The following CADM2 variants were observed in gnomAD, a reference collection of about 807,000 sequenced individuals.
The protein encoded by CADM2 is cell adhesion molecule 2, also known as immunoglobulin superfamily member 4D.
In CADM2, 12 loss-of-function variants were observed where a neutral mutation model predicts 49.8. The observed-to-expected ratio is 0.24, with a 90% CI of 0.15 to 0.39. The LOEUF is 0.39. CADM2 is among the 10% of genes least tolerant of loss of function. The pLI, the probability that CADM2 is intolerant of heterozygous loss-of-function variation, is 1.00. For missense variants in CADM2, 378 were observed against 492.3 expected (o/e 0.77, Z 2.20); for synonymous variants, 214 against 175.4 (o/e 1.22, Z -1.74).
chr3:85,307,910 T>C (rs1015354751), intron 1 of CADM2, among the ~76,000 whole-genome samples: 2 of 150,632 alleles, frequency 1.3e-5, no homozygotes, highest in African/African-American at 4.9e-5. Context: ...TAGGTACACA[T>C]TTTTTCCAAA....
At chr3:85,734,850 A>G (rs561483346) in intron 2 of CADM2, among the ~76,000 whole-genome samples, 1 of 151,056 alleles carries the variant, frequency 6.6e-6, no homozygotes, top group East Asian at 1.9e-4. Context: ...TCCAAGTTTT[A>G]AAAACTCTTA....
chr3:86,051,731 T>G (rs547789971), intron 8 of CADM2, among the ~76,000 whole-genome samples: 29 of 152,114 alleles, frequency 1.9e-4, no homozygotes, highest in African/African-American at 6.7e-4. Context: ...ACATGGCAGG[T>G]GCAGGAGGAA....
intron 1 of CADM2, among the ~76,000 whole-genome samples, chr3:85,196,544 A>C (rs2041347320): frequency 6.6e-6 from 1 of 151,996 alleles, no homozygotes; most frequent in Admixed American, 6.6e-5. Flanking sequence ...TGGAAAAGTT[A>C]TAAAGAGGTT....
At chr3:85,143,759 G>C (rs1378491972) in intron 1 of CADM2, among the ~76,000 whole-genome samples, 1 of 151,804 alleles carries the variant, frequency 6.6e-6, no homozygotes. Flanking sequence ...TTCATCACTG[G>C]CCCCCCTATT....
chr3:85,920,136 A>C (rs965517917), intron 6 of CADM2, among the ~76,000 whole-genome samples: 4 of 151,862 alleles, frequency 2.6e-5, no homozygotes, highest in Non-Finnish European at 5.9e-5. Flanking sequence ...ATTATATATT[A>C]AGTGTTTCAG....
chr3:85,403,103 T>C (rs72905492), intron 1 of CADM2, among the ~76,000 whole-genome samples: 5,786 of 152,190 alleles, frequency 0.038, 367 homozygotes, highest in African/African-American at 0.13. Context: ...TTTTTGGAAG[T>C]ATTAAGGTTT....
chr3:85,823,994 C>T (rs1205981686), intron 3 of CADM2, among the ~76,000 whole-genome samples: 2 of 152,064 alleles, frequency 1.3e-5, no homozygotes, highest in East Asian at 3.9e-4. Context: ...GAGATTGCTT[C>T]AAAAGGTGAC....
chr3:85,469,932 G>C (rs2038691771), intron 1 of CADM2, among the ~76,000 whole-genome samples: 1 of 152,132 alleles, frequency 6.6e-6, no homozygotes, highest in Non-Finnish European at 1.5e-5. Flanking sequence ...TCCTGGGAGT[G>C]ATGGAGCATG....
chr3:85,626,718 T>C (rs2064141619), intron 1 of CADM2, among the ~76,000 whole-genome samples: 1 of 152,090 alleles, frequency 6.6e-6, no homozygotes. Flanking sequence ...TGAATATTCT[T>C]ATTTTTTCCA....
At chr3:85,625,614 A>G (rs2064103704) in intron 1 of CADM2, among the ~76,000 whole-genome samples, 1 of 152,054 alleles carries the variant, frequency 6.6e-6, no homozygotes, top group South Asian at 2.1e-4. Flanking sequence ...CTGAAAATAT[A>G]TTACTATACA....
chr3:85,632,777 G>A (rs1457350946), intron 1 of CADM2, among the ~76,000 whole-genome samples: 2 of 151,842 alleles, frequency 1.3e-5, no homozygotes, highest in Non-Finnish European at 2.9e-5. Context: ...AGTCCCAGTA[G>A]AAACAAAACT....
At chr3:85,843,343 T>C (rs181066063) in intron 3 of CADM2, among the ~76,000 whole-genome samples, 32 of 152,224 alleles carry the variant, frequency 2.1e-4, no homozygotes, top group African/African-American at 7.5e-4. Flanking sequence ...TCTTTGTCTT[T>C]AAGAATACGG....
chr3:85,316,174 A>G (rs978385764), intron 1 of CADM2, among the ~76,000 whole-genome samples: 6 of 152,192 alleles, frequency 3.9e-5, no homozygotes, highest in African/African-American at 1.4e-4. Context: ...AGTCAGTTTC[A>G]CCATCTGTAA....
chr3:85,529,001 A>G (rs2061236022), intron 1 of CADM2, among the ~76,000 whole-genome samples: 1 of 152,188 alleles, frequency 6.6e-6, no homozygotes, highest in African/African-American at 2.4e-5. Flanking sequence ...CTTTACATGT[A>G]TCACTTTATT....
At chr3:85,005,263 A>G (rs1576014495) in intron 1 of CADM2, among the ~76,000 whole-genome samples, 2 of 152,276 alleles carry the variant, frequency 1.3e-5, no homozygotes, top group Admixed American at 6.6e-5. Flanking sequence ...TAGCAGGAAA[A>G]CAGCCACAAA....
At chr3:86,000,826 T>A (rs1030727041) in intron 8 of CADM2, among the ~76,000 whole-genome samples, 1 of 152,112 alleles carries the variant, frequency 6.6e-6, no homozygotes. Context: ...TTTAAGAATT[T>A]GAGTTTTTAT....
At chr3:85,675,519 A>T (rs920225954) in intron 1 of CADM2, among the ~76,000 whole-genome samples, 6 of 152,162 alleles carry the variant, frequency 3.9e-5, no homozygotes, top group African/African-American at 1.4e-4. Flanking sequence ...AAGCTAAGTG[A>T]TCTGTATGGG....
At chr3:85,342,330 T>C (rs1386575887) in intron 1 of CADM2, among the ~76,000 whole-genome samples, 3 of 152,032 alleles carry the variant, frequency 2.0e-5, no homozygotes, top group Admixed American at 1.3e-4. Flanking sequence ...TCAGTGCTCA[T>C]AGTGGAAAAG....
chr3:84,973,631 A>G (rs1028113217), intron 1 of CADM2, among the ~76,000 whole-genome samples: 1 of 152,194 alleles, frequency 6.6e-6, no homozygotes, highest in South Asian at 2.1e-4. Context: ...AGAAGGAACT[A>G]TGTAACAAGC....
Sources: allele counts gnomAD v4.1 joint callset (sites outside exome capture counted in the v4.1 genomes callset), GRCh38; gene constraint gnomAD v4.1.1; transcripts MANE v1.5; gene names NCBI Gene and HGNC (gene_info 2026-07-23, HGNC 2026-07-21).